Variants in CPO observed in about 807,000 individuals in gnomAD.
CPO encodes carboxypeptidase O.
In CPO, 43 loss-of-function variants were observed where a neutral mutation model predicts 41.2. The ratio of observed to expected loss-of-function variants is 1.04; its 90% CI spans 0.82 to 1.35. The LOEUF is 1.35. Among genes scored for constraint, CPO ranks in the 40% most tolerant of loss-of-function variants. The probability of loss-of-function intolerance (pLI) is 0.00; values close to 1 mark genes in which losing one functional copy is unlikely to be tolerated. For synonymous variants in CPO, 178 were observed against 162.7 expected (o/e 1.09, Z -0.72); for missense variants, 408 against 451.7 (o/e 0.90, Z 0.88).
chr2:206,958,199 T>G, intron 3 of CPO, 102 bp from the exon 4 acceptor site: 2 of 590,142 alleles, frequency 3.4e-6, no homozygotes, highest in Admixed American at 3.0e-5. Flanking sequence ...CAGAGTGGAG[T>G]GAAAAAGGAA....
chr2:206,950,653 C>T (rs781763449), intron 2 of CPO, among the ~76,000 whole-genome samples: 1 of 152,116 alleles, frequency 6.6e-6, no homozygotes. Flanking sequence ...GCACTATTCA[C>T]AATAGCAGAC....
Position 206,969,042 on chromosome 2 carries a change from G to A in CPO, c.863-132G>A, listed in dbSNP as rs551873874. On this transcript the variant is annotated intron_variant, in intron 8 of 8. Transcript: ENST00000272852. The stretch of plus-strand genomic sequence containing the variant: ...TACAACCAAGAAGAAAGAGAAGACA[G>A]CTATTTCTGAGACCCTGATCTAAAA... 168 of 910,598 alleles carry A rather than the reference G, an allele frequency of 1.8e-4. 2 individuals carry two copies. In the South Asian group the frequency reaches 2.1e-3, roughly 11 times the overall value. The allele number at this position is 910,598 out of a possible 1,614,324, so 56.4% of individuals were successfully genotyped here. A position where few individuals can be genotyped will look rare whatever the true frequency, so the allele number is the denominator to read the frequency against.
chr2:206,965,361 G>A (rs1693553859), intron 7 of CPO, among the ~76,000 whole-genome samples: 1 of 152,084 alleles, frequency 6.6e-6, no homozygotes. Context: ...CTGCTCCAAG[G>A]AGATTTCCAT....
In CPO at chr2:206,960,849, C is replaced by T. The variant is rs1693464764; in HGVS notation, c.484-3C>T. ...GCAACATCCGTATGTTCCTCTGCTACAGGATCGTCTTTGGAGGAAATCCCG... is the reference window on the plus strand; with the variant it reads ...GCAACATCCGTATGTTCCTCTGCTATAGGATCGTCTTTGGAGGAAATCCCG... On this transcript the variant is annotated splice_region_variant and splice_polypyrimidine_tract_variant and intron_variant, in intron 5 of 8. Transcript: ENST00000272852. The T allele has an allele frequency of 6.2e-7, 1 of 1,605,554 alleles. No homozygotes were observed. Among genetic ancestry groups the T allele is most frequent in the Non-Finnish European group, 8.5e-7 (1 of 1,172,176 alleles).
intron 2 of CPO, among the ~76,000 whole-genome samples, chr2:206,950,916 G>A (rs965449673): frequency 4.6e-5 from 7 of 151,810 alleles, no homozygotes; most frequent in African/African-American, 1.7e-4. Context: ...TCACACACCG[G>A]GGCCAGTTGT....
At chr2:206,964,389 T>C (rs1693533604) in intron 7 of CPO, among the ~76,000 whole-genome samples, 2 of 152,232 alleles carry the variant, frequency 1.3e-5, no homozygotes, top group Non-Finnish European at 2.9e-5. Flanking sequence ...ATAGCTGTTA[T>C]CTCCTTTGAC....
At chr2:206,962,164 G>A (rs140286636) in intron 6 of CPO, among the ~76,000 whole-genome samples, 1 of 151,158 alleles carries the variant, frequency 6.6e-6, no homozygotes, top group African/African-American at 2.4e-5. Flanking sequence ...CCCCTTTCCC[G>A]GGCCATGGAA....
In CPO at chr2:206,962,496, G is replaced by A. The variant is rs62617140; in HGVS notation, c.659G>A (p.Ser220Asn). The change falls in exon 7 of 9, where the codon AGC (serine) becomes AAC (asparagine). Residue 220 changes from serine (S) to asparagine (N), a missense_variant. Physicochemically the swap from Ser to Asn is conservative, Grantham distance 46 (BLOSUM62 1). Coordinates refer to ENST00000272852, the MANE Select transcript of CPO (RefSeq NM_173077.3). ...GAACCAGAGACTAAAGCTGTTGCCA[G>A]CTTCATAGAGAGCAAGAAGGATGAT... The part of the protein sequence containing the change: ...VSEPETKAVA[S>N]FIESKKDDIL... The A allele has an allele frequency of 0.04, 64,793 of 1,614,114 alleles. 1,536 individuals are homozygous for A. The highest frequency in any genetic ancestry group is 0.046 in the Non-Finnish European group (54,074 of 1,179,962).
At chr2:206,951,207 A>G (rs1025260195) in intron 2 of CPO, among the ~76,000 whole-genome samples, 21 of 152,206 alleles carry the variant, frequency 1.4e-4, no homozygotes, top group Non-Finnish European at 2.6e-4. Context: ...AAAACTGGAA[A>G]GGTCAGAATA....
chr2:206,961,904 A>G (rs1383200238), intron 6 of CPO, among the ~76,000 whole-genome samples: 1 of 151,622 alleles, frequency 6.6e-6, no homozygotes. Flanking sequence ...CATCCTGGCT[A>G]ACACAGTGAA....
At chr2:206,941,924 C>T (rs1404123453) in intron 1 of CPO, among the ~76,000 whole-genome samples, 1 of 152,026 alleles carries the variant, frequency 6.6e-6, no homozygotes, top group Non-Finnish European at 1.5e-5. Context: ...AATCAAATGG[C>T]TTGAAAATGT....
At chr2:206,942,597 T>G (rs2105817404) in intron 1 of CPO, among the ~76,000 whole-genome samples, 1 of 152,270 alleles carries the variant, frequency 6.6e-6, no homozygotes, top group Middle Eastern at 3.4e-3. Flanking sequence ...TCTGCAGACT[T>G]TATTAATAAT....
intron 7 of CPO, among the ~76,000 whole-genome samples, chr2:206,965,720 C>G (rs1293917791): frequency 1.3e-5 from 2 of 152,056 alleles, no homozygotes; most frequent in Non-Finnish European, 2.9e-5. Context: ...AGGAAATTCT[C>G]TGGGCCCAGA....
At chr2:206,957,308 G>T (rs925528192) in intron 3 of CPO, among the ~76,000 whole-genome samples, 6 of 151,866 alleles carry the variant, frequency 4.0e-5, no homozygotes, top group Non-Finnish European at 8.8e-5. Context: ...CCCGAGAGGT[G>T]GAGGTTGCAG....
chr2:206,944,354 C>T (rs1693101028), intron 1 of CPO, among the ~76,000 whole-genome samples: 1 of 151,726 alleles, frequency 6.6e-6, no homozygotes, highest in Non-Finnish European at 1.5e-5. Flanking sequence ...AAATGATCAT[C>T]TTTTGTAAAG....
At chr2:206,947,268 C>A (rs1174408639) in intron 1 of CPO, among the ~76,000 whole-genome samples, 1 of 152,114 alleles carries the variant, frequency 6.6e-6, no homozygotes, top group Non-Finnish European at 1.5e-5. Context: ...AATAAACCTA[C>A]ATAAATATAG....
chr2:206,949,415 A>G (rs1693208098), intron 1 of CPO, among the ~76,000 whole-genome samples: 1 of 152,200 alleles, frequency 6.6e-6, no homozygotes, highest in Admixed American at 6.5e-5. Context: ...CACTCTACAG[A>G]TGAAGAAACT....
intron 6 of CPO, 104 bp from the exon 7 acceptor site, chr2:206,962,308 G>A (rs141138979): frequency 4.0e-5 from 39 of 976,220 alleles, no homozygotes; most frequent in East Asian, 1.4e-4. Flanking sequence ...AAGGGCAAGC[G>A]CTGATTCTAC....
chr2:206,957,776 T>C (rs1197190107), intron 3 of CPO, among the ~76,000 whole-genome samples: 4 of 152,110 alleles, frequency 2.6e-5, no homozygotes, highest in African/African-American at 9.7e-5. Context: ...GAAAGAAGAT[T>C]GGGCTGGCAG....
Sources: gnomAD v4.1 joint callset for allele counts (sites outside exome capture counted in the v4.1 genomes callset) on GRCh38, gnomAD v4.1.1 for gene constraint, MANE v1.5 for transcripts, NCBI Gene and HGNC (gene_info 2026-07-23, HGNC 2026-07-21) for gene names.